The following PTPRZ1 variants were observed in gnomAD, a reference collection of about 807,000 sequenced individuals.
The protein encoded by PTPRZ1 is protein tyrosine phosphatase receptor type Z1.
PTPRZ1 carries 82 observed loss-of-function variants against 214.1 expected under a neutral mutation model. The ratio of observed to expected loss-of-function variants is 0.38; its 90% CI spans 0.32 to 0.46. PTPRZ1 has a LOEUF of 0.46. PTPRZ1 is among the 20% of genes least tolerant of loss of function. The pLI is 1.00. For synonymous variants in PTPRZ1, 945 were observed against 987.9 expected (o/e 0.96, Z 0.81); for missense variants, 2,603 against 2,748.7 (o/e 0.95, Z 1.19).
intron 1 of PTPRZ1, among the ~76,000 whole-genome samples, chr7:121,926,178 G>A (rs1206503): frequency 4.6e-5 from 7 of 151,146 alleles, no homozygotes; most frequent in Non-Finnish European, 8.8e-5. Context: ...GGTGGCATGC[G>A]CCTGTAATCG....
chr7:121,957,865 A>G (rs1796756796), intron 2 of PTPRZ1, among the ~76,000 whole-genome samples: 1 of 152,204 alleles, frequency 6.6e-6, no homozygotes, highest in South Asian at 2.1e-4. Context: ...TATTCTAAAT[A>G]TAGCTAAATC....
chr7:121,888,229 A>C (rs1017466042), intron 1 of PTPRZ1, among the ~76,000 whole-genome samples: 10 of 151,764 alleles, frequency 6.6e-5, no homozygotes, highest in African/African-American at 2.4e-4. Context: ...GAGACCATAC[A>C]TTTTGTGTCA....
intron 1 of PTPRZ1, among the ~76,000 whole-genome samples, chr7:121,877,195 C>T (rs12706381): frequency 0.12 from 17,506 of 152,160 alleles, 1,233 homozygotes; most frequent in Middle Eastern, 0.23. Context: ...TTTCATCTTA[C>T]ACCTTTTACA....
chr7:122,019,330 A>G (rs1479148525), intron 13 of PTPRZ1, 62 bp downstream of exon 13: 12 of 1,470,184 alleles, frequency 8.2e-6, no homozygotes, highest in African/African-American at 1.4e-5. Flanking sequence ...CCCATATTTC[A>G]TCTGAAAGGT....
intron 1 of PTPRZ1, among the ~76,000 whole-genome samples, chr7:121,913,726 GA>G (rs1160587251): frequency 7.0e-6 from 1 of 143,148 alleles, no homozygotes; most frequent in Non-Finnish European, 1.6e-5. Context: ...AGGTATGGGG[GA>G]AAGTTTTCTC....
At chr7:121,988,148 T>C (rs1461327955) in intron 8 of PTPRZ1, among the ~76,000 whole-genome samples, 3 of 152,216 alleles carry the variant, frequency 2.0e-5, no homozygotes, top group Non-Finnish European at 2.9e-5. Flanking sequence ...GCATATGTGC[T>C]CTTCTATCTA....
intron 21 of PTPRZ1, among the ~76,000 whole-genome samples, chr7:122,041,439 GT>G (rs548865849): frequency 1.5e-4 from 23 of 148,626 alleles, no homozygotes; most frequent in Non-Finnish European, 2.7e-4. Context: ...ATATATTTAA[GT>G]TGTTTTTAAA....
Position 122,011,669 on chromosome 7 carries a change from C to A in PTPRZ1, c.2623C>A (p.Gln875Lys). 2 of 1,614,036 alleles carry A rather than the reference C, an allele frequency of 1.2e-6. No individual in the cohort carries two copies. Among genetic ancestry groups the A allele is most frequent in the Non-Finnish European group, 1.7e-6 (2 of 1,180,018 alleles). Residue 875 changes from glutamine to lysine, a missense_variant, in exon 12 of 30, where the codon CAG becomes AAG. Gln to Lys is a moderately conservative substitution (Grantham distance 53). Around this residue, in one of 6 missense-constraint regions of PTPRZ1, gnomAD observed 1,913 missense variants for 1,914.3 expected, o/e 1.00. Transcript: ENST00000393386. ...TTTGCTATTAGAGCCCAGCCTTGCT[C>A]AGTATTCTGATGTGCTGTCCACTAC... ...GDLLLEPSLA[Q>K]YSDVLSTTHA...
At chr7:121,880,674 C>T (rs996455106) in intron 1 of PTPRZ1, among the ~76,000 whole-genome samples, 2 of 152,114 alleles carry the variant, frequency 1.3e-5, no homozygotes, top group Non-Finnish European at 2.9e-5. Context: ...TGATTACATG[C>T]TTAGAACATG....
At chr7:121,892,954 A>C (rs1351870410) in intron 1 of PTPRZ1, among the ~76,000 whole-genome samples, 1 of 152,098 alleles carries the variant, frequency 6.6e-6, no homozygotes, top group East Asian at 1.9e-4. Context: ...TTCAGAAATA[A>C]CAAAATATAT....
At chr7:121,960,658 G>A (rs1267944962) in intron 2 of PTPRZ1, among the ~76,000 whole-genome samples, 1 of 152,142 alleles carries the variant, frequency 6.6e-6, no homozygotes, top group East Asian at 1.9e-4. Context: ...GAGAAAATAA[G>A]AGGGAAACAT....
intron 18 of PTPRZ1, 41 bp from the exon 19 acceptor site, chr7:122,038,714 T>C (rs2150476693): frequency 1.3e-6 from 2 of 1,598,898 alleles, no homozygotes; most frequent in Non-Finnish European, 1.7e-6. Flanking sequence ...AGATGACATA[T>C]AAATCAGTTA....
At chr7:121,895,346 T>C (rs1440380298) in intron 1 of PTPRZ1, among the ~76,000 whole-genome samples, 3 of 152,212 alleles carry the variant, frequency 2.0e-5, no homozygotes, top group Non-Finnish European at 4.4e-5. Flanking sequence ...AGCTAGATTA[T>C]TGAATTGTAG....
chr7:122,027,228 A>C (rs1377925438), intron 13 of PTPRZ1, among the ~76,000 whole-genome samples: 1 of 152,080 alleles, frequency 6.6e-6, no homozygotes, highest in African/African-American at 2.4e-5. Flanking sequence ...AGGCCCTGAA[A>C]AGCTACTGAC....
intron 11 of PTPRZ1, 61 bp from the exon 12 acceptor site, chr7:122,010,273 T>A: frequency 6.8e-7 from 1 of 1,474,200 alleles, no homozygotes; most frequent in Non-Finnish European, 9.1e-7. Context: ...GTGTAAGATA[T>A]GAAGATTTTC....
intron 2 of PTPRZ1, among the ~76,000 whole-genome samples, chr7:121,930,594 T>TA (rs1373580810): frequency 6.6e-6 from 1 of 152,136 alleles, no homozygotes; most frequent in Non-Finnish European, 1.5e-5. Context: ...ACACTGACTC[T>TA]AAAAATCTAG....
chr7:122,060,532 C>T (rs1315694410), intron 29 of PTPRZ1, among the ~76,000 whole-genome samples: 1 of 152,144 alleles, frequency 6.6e-6, no homozygotes, highest in Non-Finnish European at 1.5e-5. Flanking sequence ...GCTCTGAGAC[C>T]ACAGCAGAGA....
rs1797698842 is a variant in PTPRZ1, at chr7:121,984,089, C to T, written c.900C>T (p.Tyr300=). The change falls in exon 8 of 30, where the codon TAC becomes TAT. Residue 300 remains tyrosine (Y), a synonymous_variant. Transcript: ENST00000393386. Reference sequence around the variant, plus strand: ...TCTCTAGACAGGTGTTTTCCTCATACACTGGAAAGGAAGAGATTCATGAAG... The same window carrying T: ...TCTCTAGACAGGTGTTTTCCTCATATACTGGAAAGGAAGAGATTCATGAAG... The part of the protein sequence containing the change: ...YKFSRQVFSS[Y]TGKEEIHEAV... 6.2e-7 allele frequency: 1 copy of T among 1,613,258 alleles called. No homozygotes were observed. Among genetic ancestry groups the T allele is most frequent in the Non-Finnish European group, 8.5e-7 (1 of 1,179,552 alleles).
intron 1 of PTPRZ1, among the ~76,000 whole-genome samples, chr7:121,924,270 A>G (rs1239905599): frequency 6.6e-6 from 1 of 152,156 alleles, no homozygotes; most frequent in Non-Finnish European, 1.5e-5. Flanking sequence ...ACTTTGATAG[A>G]TTCTTTTTTA....
Sources: allele counts gnomAD v4.1 joint callset (sites outside exome capture counted in the v4.1 genomes callset), GRCh38; gene constraint gnomAD v4.1.1; regional missense constraint gnomAD v4.1.1; transcripts MANE v1.5; gene names NCBI Gene and HGNC (gene_info 2026-07-23, HGNC 2026-07-21).